Variants in NALCN observed in about 807,000 individuals in gnomAD.
The protein encoded by NALCN is sodium leak channel NALCN.
NALCN carries 111 observed loss-of-function variants against 225.3 expected under a neutral mutation model. The ratio of observed to expected loss-of-function variants is 0.49; its 90% CI spans 0.42 to 0.58. NALCN has a LOEUF of 0.58. NALCN is among the 20% of genes least tolerant of loss of function. The pLI is 0.00. For missense variants in NALCN, 1,378 were observed against 2,202.4 expected (o/e 0.63, Z 7.49); for synonymous variants, 764 against 769.0 (o/e 0.99, Z 0.11).
chr13:101,132,321 T>C (rs2036557291), intron 17 of NALCN, among the ~76,000 whole-genome samples: 1 of 152,076 alleles, frequency 6.6e-6, no homozygotes, highest in African/African-American at 2.4e-5. Flanking sequence ...TTTCTTCTTA[T>C]TAGGTTTCTG....
At chr13:101,107,389 C>T (rs1222524170) in intron 22 of NALCN, 98 bp downstream of exon 22, 1 of 1,571,488 alleles carries the variant, frequency 6.4e-7, no homozygotes, top group African/African-American at 1.3e-5. Context: ...TATTTTGTGA[C>T]CCCATTAGGA....
At chr13:101,150,394 T>C (rs2037587882) in intron 15 of NALCN, among the ~76,000 whole-genome samples, 1 of 152,216 alleles carries the variant, frequency 6.6e-6, no homozygotes, top group Non-Finnish European at 1.5e-5. Flanking sequence ...TAAAAGTTTT[T>C]CAAAAGGGAA....
intron 37 of NALCN, among the ~76,000 whole-genome samples, chr13:101,071,968 C>A (rs2139458634): frequency 6.6e-6 from 1 of 151,974 alleles, no homozygotes. Flanking sequence ...TAGGGAGGCC[C>A]AAGAAAAGAG....
chr13:101,160,162 G>A (rs1443690667), intron 15 of NALCN, among the ~76,000 whole-genome samples: 4 of 152,086 alleles, frequency 2.6e-5, no homozygotes. Context: ...CACCATGTTA[G>A]CCAGGATGGT....
At chr13:101,290,803 C>T (rs1401651960) in intron 9 of NALCN, among the ~76,000 whole-genome samples, 1 of 152,152 alleles carries the variant, frequency 6.6e-6, no homozygotes, top group Non-Finnish European at 1.5e-5. Flanking sequence ...TTTGTCTTAA[C>T]AGTATTTGTA....
chr13:101,377,247 A>G (rs961222587), intron 4 of NALCN, among the ~76,000 whole-genome samples, 191 bp from the exon 5 acceptor site: 1 of 152,222 alleles, frequency 6.6e-6, no homozygotes, highest in African/African-American at 2.4e-5. Flanking sequence ...AGAAACAAAT[A>G]CATAAACTAA....
At chr13:101,143,421 A>T (rs1011975083) in intron 16 of NALCN, among the ~76,000 whole-genome samples, 200 bp from the exon 17 acceptor site, 1 of 152,184 alleles carries the variant, frequency 6.6e-6, no homozygotes, top group Non-Finnish European at 1.5e-5. Context: ...TATCCTTGAA[A>T]TAACTTTCAA....
At chr13:101,397,237 AAGAC>A (rs910424602) in intron 2 of NALCN, among the ~76,000 whole-genome samples, 8 of 150,246 alleles carry the variant, frequency 5.3e-5, no homozygotes, top group Non-Finnish European at 1.2e-4. Context: ...TAGAGAAAGA[AAGAC>A]AGACTGGGAA....
intron 14 of NALCN, among the ~76,000 whole-genome samples, chr13:101,182,026 C>T (rs2039252119): frequency 6.8e-6 from 1 of 147,098 alleles, no homozygotes; most frequent in Non-Finnish European, 1.5e-5. Context: ...CCCAGTTACT[C>T]CGGAGGCTGA....
At chr13:101,225,217 TTTAA>T (rs1254130533) in intron 13 of NALCN, among the ~76,000 whole-genome samples, 15 of 152,214 alleles carry the variant, frequency 9.9e-5, no homozygotes, top group Admixed American at 2.6e-4. Context: ...ACACCCCATC[TTTAA>T]TTTGCTTATC....
chr13:101,334,772 A>G (rs71441506), intron 7 of NALCN, among the ~76,000 whole-genome samples: 44,062 of 151,950 alleles, frequency 0.29, 7,480 homozygotes, highest in East Asian at 0.49. Context: ...TCAACACAGC[A>G]TTACTTATTG....
chr13:101,066,638 T>G (rs1203209748), intron 39 of NALCN, among the ~76,000 whole-genome samples: 2 of 152,062 alleles, frequency 1.3e-5, no homozygotes, highest in Admixed American at 1.3e-4. Flanking sequence ...GAGAGACAGG[T>G]GGATCCTGAG....
chr13:101,096,927 T>C (rs1289756087), intron 27 of NALCN, among the ~76,000 whole-genome samples: 2 of 152,162 alleles, frequency 1.3e-5, no homozygotes, highest in East Asian at 3.9e-4. Context: ...AAAAATTCCA[T>C]TTTAATCTGC....
chr13:101,235,707 C>T (rs77859481), intron 12 of NALCN, among the ~76,000 whole-genome samples: 16,001 of 152,158 alleles, frequency 0.11, 907 homozygotes, highest in East Asian at 0.22. Flanking sequence ...GGGAAGTGAG[C>T]GCTTGAACTA....
intron 11 of NALCN, among the ~76,000 whole-genome samples, chr13:101,245,842 C>T (rs2041878892): frequency 6.6e-6 from 1 of 152,158 alleles, no homozygotes; most frequent in Admixed American, 6.5e-5. Flanking sequence ...TTGAAAGTAC[C>T]TCTGATCGGT....
chr13:101,383,211 G>A (rs373987131), intron 3 of NALCN, among the ~76,000 whole-genome samples: 11 of 152,210 alleles, frequency 7.2e-5, no homozygotes, highest in African/African-American at 1.7e-4. Context: ...TAACTCAGGC[G>A]TCATGCAACA....
intron 16 of NALCN, among the ~76,000 whole-genome samples, chr13:101,143,861 G>A (rs2037214599): frequency 6.6e-6 from 1 of 152,124 alleles, no homozygotes; most frequent in Non-Finnish European, 1.5e-5. Context: ...TTTATCATAA[G>A]AATGACTAAG....
chr13:101,334,535 A>T (rs1478819532), intron 7 of NALCN, among the ~76,000 whole-genome samples: 1 of 151,366 alleles, frequency 6.6e-6, no homozygotes, highest in Non-Finnish European at 1.5e-5. Flanking sequence ...AAATGCCTAC[A>T]TTATTTTTTT....
intron 39 of NALCN, among the ~76,000 whole-genome samples, chr13:101,066,950 G>A (rs2032442887): frequency 6.6e-6 from 1 of 152,012 alleles, no homozygotes. Context: ...ATTCCTGCCG[G>A]CGCAGCCCCA....
Sources: allele counts gnomAD v4.1 joint callset (sites outside exome capture counted in the v4.1 genomes callset), GRCh38; gene constraint gnomAD v4.1.1; transcripts MANE v1.5; gene names NCBI Gene and HGNC (gene_info 2026-07-23, HGNC 2026-07-21).